TBPL1: variants seen among roughly 807,000 people sequenced by gnomAD.
TBPL1 encodes TATA box-binding protein-like 1.
TBPL1 carries 4 observed loss-of-function variants against 22.1 expected under a neutral mutation model. That is an observed-to-expected ratio of 0.18 (90% CI 0.09 to 0.41). The LOEUF is 0.41. Among genes scored for constraint, TBPL1 ranks in the 10% least tolerant of loss-of-function variants. TBPL1 has a pLI of 1.00. For synonymous variants in TBPL1, 64 were observed against 71.0 expected (o/e 0.90, Z 0.50); for missense variants, 115 against 222.3 (o/e 0.52, Z 3.07).
chr6:133,973,341 C>T (rs1377496590), intron 1 of TBPL1, among the ~76,000 whole-genome samples: 1 of 152,174 alleles, frequency 6.6e-6, no homozygotes, highest in African/African-American at 2.4e-5. Flanking sequence ...AACCTTAGGG[C>T]CCATTCCCCT....
chr6:133,955,942 G>T (rs1045928517), intron 1 of TBPL1, among the ~76,000 whole-genome samples: 1 of 152,196 alleles, frequency 6.6e-6, no homozygotes. Flanking sequence ...TGCAGAATTT[G>T]CTATGAAGTA....
At chr6:133,952,209 C>A (rs1029206095), upstream of TBPL1, 7 of 152,430 alleles carry the variant, frequency 4.6e-5, no homozygotes, top group African/African-American at 1.7e-4. This position sits in a 1 kb window ranked among gnomAD's most constrained non-coding sequence, Gnocchi z 4.5. Context: ...CAGCGCCTCT[C>A]AGGCCACTCC....
In TBPL1 at chr6:133,979,079, A is replaced by G. The variant is rs1776364827; in HGVS notation, c.-44-1003A>G. On this transcript the variant is annotated intron_variant, in intron 1 of 6. Transcript: ENST00000237264. ...ATAAATCATAGGAGTCTCGGCAAAT[A>G]CATGTTGGAAGATTCTGATCTTGAT... is the stretch of plus-strand genomic sequence containing the variant. Among the ~76,000 whole-genome samples the G allele has an allele frequency of 2.0e-5, 3 of 152,200 alleles. No individual in the cohort carries two copies. The South Asian group carries it at 6.2e-4, about 31-fold the overall frequency.
At chr6:133,960,483 T>C (rs1390875203) in intron 1 of TBPL1, among the ~76,000 whole-genome samples, 1 of 151,816 alleles carries the variant, frequency 6.6e-6, no homozygotes, top group Non-Finnish European at 1.5e-5. Flanking sequence ...CCAGTAATCT[T>C]GAAACTTCCA....
intron 2 of TBPL1, 60 bp downstream of exon 2, chr6:133,980,320 A>G: frequency 1.3e-6 from 2 of 1,490,180 alleles, no homozygotes; most frequent in East Asian, 2.4e-5. Context: ...TCTATGACTA[A>G]TACTAAAATG....
At chr6:133,956,360 G>A (rs553985058) in intron 1 of TBPL1, among the ~76,000 whole-genome samples, 1 of 152,316 alleles carries the variant, frequency 6.6e-6, no homozygotes, top group South Asian at 2.1e-4. Flanking sequence ...TGCAAAGCTG[G>A]ATGAGAGAGG....
rs1054120789 is a variant in TBPL1 at position 133,973,723 on chromosome 6, T to C, written c.-44-6359T>C. On this transcript the variant is annotated intron_variant, in intron 1 of 6. Transcript: ENST00000237264. ...GAAGAATGTGCTTTAACTTCTATGA[T>C]GTATTTTAATAGAAAGCTAGAAATA... is the stretch of plus-strand genomic sequence containing the variant. Among the ~76,000 whole-genome samples the C allele has an allele frequency of 2.6e-5, 4 of 152,194 alleles. No homozygotes were observed. The South Asian group carries it at 8.3e-4, about 31-fold the overall frequency.
Position 133,978,136 on chromosome 6 carries a change from G to A in TBPL1, c.-44-1946G>A, listed in dbSNP as rs535169748. 5.3e-5 allele frequency among the ~76,000 whole-genome samples: 8 copies of A among 152,226 alleles called. No homozygotes were observed. In the South Asian group the frequency reaches 1.7e-3, roughly 32 times the overall value. ...GAAGGCAAGGTGGAATGGATGTTGG[G>A]GTAAGCAGCCAGGAGCCTAGCAGAA... On this transcript the variant is annotated intron_variant, in intron 1 of 6. Coordinates refer to ENST00000237264, the MANE Select transcript of TBPL1 (RefSeq NM_004865.4).
chr6:133,957,240 A>G (rs563790837), intron 1 of TBPL1, among the ~76,000 whole-genome samples: 1 of 152,336 alleles, frequency 6.6e-6, no homozygotes, highest in East Asian at 1.9e-4. Flanking sequence ...AATAATGAAA[A>G]TGTTTAAAAT....
At chr6:133,985,295 AAAATATATAT>A (rs1473488527) in intron 6 of TBPL1, among the ~76,000 whole-genome samples, 1 of 66,436 alleles carries the variant, frequency 1.5e-5, no homozygotes, top group Non-Finnish European at 2.9e-5. Flanking sequence ...AAAAAAAAAA[AAAATATATAT>A]ATATATATAT....
chr6:133,964,904 TAGGA>T (rs1245156577), intron 1 of TBPL1, among the ~76,000 whole-genome samples: 2 of 152,252 alleles, frequency 1.3e-5, no homozygotes, highest in African/African-American at 4.8e-5. Context: ...ACTATGAAAA[TAGGA>T]AGTTTCACCC....
intron 1 of TBPL1, among the ~76,000 whole-genome samples, chr6:133,955,676 A>T (rs570278239): frequency 2.0e-5 from 3 of 152,242 alleles, no homozygotes; most frequent in Admixed American, 1.3e-4. Flanking sequence ...AGAATGAAAG[A>T]CGTTAGAAGT....
chr6:133,963,417 T>C (rs995988193), intron 1 of TBPL1, among the ~76,000 whole-genome samples: 7 of 152,164 alleles, frequency 4.6e-5, no homozygotes, highest in African/African-American at 1.7e-4. Context: ...TTCTGTTGTT[T>C]TGTCTTTTGG....
intron 1 of TBPL1, among the ~76,000 whole-genome samples, chr6:133,963,875 A>AC (rs1491165597): frequency 1.8e-4 from 21 of 118,560 alleles, no homozygotes; most frequent in Non-Finnish European, 3.0e-4. Flanking sequence ...CTAAAAATAC[A>AC]AAAAAAAAAA....
At chr6:133,986,860 A>G in intron 6 of TBPL1, 101 bp from the exon 7 acceptor site, 1 of 724,470 alleles carries the variant, frequency 1.4e-6, no homozygotes, top group Non-Finnish European at 2.2e-6. Flanking sequence ...TTAACTTGAT[A>G]TTCTATACCA....
At chr6:133,978,655 G>A (rs1398523492) in intron 1 of TBPL1, among the ~76,000 whole-genome samples, 1 of 152,134 alleles carries the variant, frequency 6.6e-6, no homozygotes, top group Non-Finnish European at 1.5e-5. Flanking sequence ...GAATACAAGA[G>A]TGAAAAAATA....
At chr6:133,969,025 C>T (rs1189977879) in intron 1 of TBPL1, 2 of 152,148 alleles carry the variant, frequency 1.3e-5, no homozygotes, top group African/African-American at 2.4e-5. Flanking sequence ...AGAATCTTAA[C>T]TAGGTTACTG....
At chr6:133,976,981 A>C (rs113047701) in intron 1 of TBPL1, among the ~76,000 whole-genome samples, 1 of 151,938 alleles carries the variant, frequency 6.6e-6, no homozygotes, top group Non-Finnish European at 1.5e-5. Flanking sequence ...AAAAAAAAAA[A>C]AGAAAAAAAA....
At chr6:133,977,391 T>C (rs1277670000) in intron 1 of TBPL1, among the ~76,000 whole-genome samples, 1 of 152,182 alleles carries the variant, frequency 6.6e-6, no homozygotes, top group Non-Finnish European at 1.5e-5. Context: ...TTTCAAGGCT[T>C]CTTTTTTGCA....
Sources: allele counts gnomAD v4.1 joint callset (sites outside exome capture counted in the v4.1 genomes callset), GRCh38; gene constraint gnomAD v4.1.1; non-coding constraint Gnocchi (gnomAD v3.1); transcripts MANE v1.5; gene names NCBI Gene and HGNC (gene_info 2026-07-23, HGNC 2026-07-21).